Variants in PCDHGB4 observed in about 807,000 individuals in gnomAD.
PCDHGB4 encodes protocadherin gamma-B4.
PCDHGB4 carries 38 observed loss-of-function variants against 60.5 expected under a neutral mutation model. That is an observed-to-expected ratio of 0.63 (90% CI 0.48 to 0.82). The LOEUF is 0.82. PCDHGB4 is among the 40% of genes least tolerant of loss of function. The pLI is 0.00. For missense variants in PCDHGB4, 1,109 were observed against 1,209.6 expected (o/e 0.92, Z 1.23); for synonymous variants, 456 against 509.7 (o/e 0.89, Z 1.42).
At chr5:141,484,620 C>G (rs536622819) in intron 1 of PCDHGB4, among the ~76,000 whole-genome samples, 25 of 151,974 alleles carry the variant, frequency 1.6e-4, no homozygotes, top group African/African-American at 6.0e-4. Flanking sequence ...ACAACACTGG[C>G]TTGAACAAAG....
intron 1 of PCDHGB4, chr5:141,398,674 A>T: frequency 6.2e-7 from 1 of 1,614,010 alleles, no homozygotes; most frequent in Non-Finnish European, 8.5e-7. Context: ...ATTAATAATT[A>T]AGGAGAAACA....
At chr5:141,410,849 CTTTTTTTTTTTT>C (rs759346998) in intron 1 of PCDHGB4, 1 of 129,786 alleles carries the variant, frequency 7.7e-6, no homozygotes, top group East Asian at 2.3e-4. Flanking sequence ...TTGTCTTTGT[CTTTTTTTTTTTT>C]TTTTTTTTTT....
Position 141,489,492 on chromosome 5 carries a change from G to C in PCDHGB4, c.2398-5315G>C. On this transcript the variant is annotated intron_variant, in intron 1 of 3. Coordinates refer to ENST00000519479, the MANE Select transcript of PCDHGB4 (RefSeq NM_003736.4). This position sits in a 1 kb window ranked among gnomAD's most constrained non-coding sequence, Gnocchi z 4.5. The stretch of plus-strand genomic sequence containing the variant: ...CCCTGAGCTTGATGAGTGGTGCCCT[G>C]GCAGTGAATCAAAAGATTGACCGAG... The C allele has an allele frequency of 6.2e-7, 1 of 1,614,042 alleles. No homozygotes were observed. The highest frequency in any genetic ancestry group is 8.5e-7 in the Non-Finnish European group (1 of 1,180,034).
intron 1 of PCDHGB4, among the ~76,000 whole-genome samples, chr5:141,464,264 AAAAAAAAAAAAAAGC>A (rs974197911): frequency 4.0e-4 from 52 of 130,598 alleles, no homozygotes; most frequent in Non-Finnish European, 6.3e-4. Context: ...GACTCCGTCT[AAAAAAAAAAAAAAGC>A]AAAAAAAAAA....
At chr5:141,498,971 GGGAAGGAAGGAAGGAAGGAA>G (rs201769957) in intron 2 of PCDHGB4, among the ~76,000 whole-genome samples, 1,566 of 111,048 alleles carry the variant, frequency 0.014, 32 homozygotes, top group African/African-American at 0.048. Flanking sequence ...GAGGGAGGGA[GGGAAGGAAGGAAGGAAGGAA>G]GGAAGGAAGG....
At chr5:141,425,069 A>G (rs771114613) in intron 1 of PCDHGB4, among the ~76,000 whole-genome samples, 1 of 152,170 alleles carries the variant, frequency 6.6e-6, no homozygotes. Context: ...GACAAAAATA[A>G]TTTCAACTGT....
chr5:141,398,563 G>A lies in PCDHGB4; in HGVS notation c.2397+8282G>A, dbSNP rs375890903. The A allele has an allele frequency of 2.4e-5, 39 of 1,613,842 alleles. No individual in the cohort carries two copies. The African/African-American group carries it at 3.2e-4, about 13-fold the overall frequency. On this transcript the variant is annotated intron_variant, in intron 1 of 3. Coordinates refer to ENST00000519479, the MANE Select transcript of PCDHGB4 (RefSeq NM_003736.4). Reference sequence around the variant, plus strand: ...CTTTGAGCTGCAAATAAGTGAGTCTGCACAGCCTGGCACAAGATTTATACT... The same window carrying A: ...CTTTGAGCTGCAAATAAGTGAGTCTACACAGCCTGGCACAAGATTTATACT...
rs746408347 is a variant in PCDHGB4 at position 141,486,293 on chromosome 5, G to A, written c.2398-8514G>A. ...TGGCACTGTGGTGGCACTTATCAGT[G>A]TGCAGGATCCAGACTCAGGGTCAAA... On this transcript the variant is annotated intron_variant, in intron 1 of 3. Transcript: ENST00000519479. This position sits in a 1 kb window ranked among gnomAD's most constrained non-coding sequence, Gnocchi z 5.0. The A allele has an allele frequency of 3.1e-6, 5 of 1,614,018 alleles. No homozygotes were observed. In the Admixed American group the frequency reaches 8.3e-5, roughly 27 times the overall value.
At chr5:141,484,966 G>A in intron 1 of PCDHGB4, 1 of 583,968 alleles carries the variant, frequency 1.7e-6, no homozygotes. Context: ...GAGCCCGGGA[G>A]CCGCTGTCTG....
At chr5:141,408,002 T>A in intron 1 of PCDHGB4, 1 of 908,258 alleles carries the variant, frequency 1.1e-6, no homozygotes, top group Non-Finnish European at 1.6e-6. Flanking sequence ...GGCCTGGGAT[T>A]CCCTGCGCAG....
intron 1 of PCDHGB4, among the ~76,000 whole-genome samples, chr5:141,436,162 G>A (rs1036923915): frequency 2.6e-5 from 4 of 152,142 alleles, no homozygotes; most frequent in African/African-American, 7.2e-5. Flanking sequence ...TTTATCATAT[G>A]GACAGTTCTC....
chr5:141,395,655 A>G (rs1302159911), intron 1 of PCDHGB4: 1 of 164,294 alleles, frequency 6.1e-6, no homozygotes, highest in East Asian at 1.8e-4. Context: ...GCTTAGCAAA[A>G]GTAAAATATA....
chr5:141,446,482 CT>C (rs112180482), intron 1 of PCDHGB4, among the ~76,000 whole-genome samples: 30,290 of 146,632 alleles, frequency 0.21, 3,322 homozygotes, highest in African/African-American at 0.31. Flanking sequence ...GGTCATCATT[CT>C]TTTTTTTTTT....
intron 1 of PCDHGB4, chr5:141,408,920 C>T (rs772932702): frequency 1.9e-6 from 3 of 1,613,506 alleles, no homozygotes; most frequent in Admixed American, 1.7e-5. Context: ...TGATAACCCC[C>T]CGGTTTTCAG....
intron 1 of PCDHGB4, chr5:141,428,257 G>T: frequency 1.2e-6 from 1 of 865,866 alleles, no homozygotes; most frequent in South Asian, 1.4e-5. Context: ...AGACTTCAGT[G>T]ACAGTCCTGT....
chr5:141,442,779 A>G (rs1453800627), intron 1 of PCDHGB4, among the ~76,000 whole-genome samples: 1 of 152,160 alleles, frequency 6.6e-6, no homozygotes, highest in Non-Finnish European at 1.5e-5. Context: ...GTTTGATTAT[A>G]TTTTATAATT....
At chr5:141,499,019 AGGAAGGAAGAAAAG>A (rs2099788655) in intron 2 of PCDHGB4, among the ~76,000 whole-genome samples, 1 of 150,840 alleles carries the variant, frequency 6.6e-6, no homozygotes, top group Non-Finnish European at 1.5e-5. Flanking sequence ...GAAGGAAGGA[AGGAAGGAAGAAAAG>A]AAAGAAAAAG....
intron 1 of PCDHGB4, chr5:141,414,517 G>A: frequency 6.2e-7 from 1 of 1,613,964 alleles, no homozygotes; most frequent in Non-Finnish European, 8.5e-7. Context: ...ACAAGTGGCA[G>A]ATATCAATGA....
At chr5:141,498,137 G>T (rs1319960274) in intron 2 of PCDHGB4, among the ~76,000 whole-genome samples, 1 of 152,204 alleles carries the variant, frequency 6.6e-6, no homozygotes, top group Non-Finnish European at 1.5e-5. Context: ...GGAGCAGGAG[G>T]ACATCCTGGA....
Sources: allele counts gnomAD v4.1 joint callset (sites outside exome capture counted in the v4.1 genomes callset), GRCh38; gene constraint gnomAD v4.1.1; non-coding constraint Gnocchi (gnomAD v3.1); transcripts MANE v1.5; gene names NCBI Gene and HGNC (gene_info 2026-07-23, HGNC 2026-07-21).